Variants in ABCA6 observed in about 807,000 individuals in gnomAD.
The protein encoded by ABCA6 is ATP binding cassette subfamily A member 6.
Under a neutral mutation model 191.2 loss-of-function variants are expected in ABCA6, and 164 were observed. That is an observed-to-expected ratio of 0.86 (90% CI 0.76 to 0.98). ABCA6 has a LOEUF of 0.98. Ranked by LOEUF, ABCA6 falls within the 50% of genes least tolerant of loss-of-function variation. The probability of loss-of-function intolerance (pLI) is 0.00; values close to 1 mark genes in which losing one functional copy is unlikely to be tolerated. For missense variants in ABCA6, 1,958 were observed against 1,894.1 expected (o/e 1.03, Z -0.63); for synonymous variants, 636 against 647.7 (o/e 0.98, Z 0.27).
intron 36 of ABCA6, among the ~76,000 whole-genome samples, chr17:69,082,222 GC>G (rs1567992956): frequency 6.6e-6 from 1 of 151,978 alleles, no homozygotes; most frequent in African/African-American, 2.4e-5. Context: ...TAAAATAGTA[GC>G]TTTTATGTCC....
At position 69,137,296 on chromosome 17, in the gene ABCA6, C is replaced by G. The variant is rs1313549238; in HGVS notation, c.301G>C (p.Gly101Arg). Residue 101 changes from glycine to arginine, a missense_variant and splice_region_variant, in exon 3 of 39, where the codon GGA becomes CGA. Gly to Arg is a moderately radical substitution (Grantham distance 125). Coordinates refer to ENST00000284425, the MANE Select transcript of ABCA6 (RefSeq NM_080284.3). ...CTTTTTTTGCCATGAGTACACCTACCTTTCAAAAGAGGAGCAAGTGCTGTT... is the reference window on the plus strand; with the variant it reads ...CTTTTTTTGCCATGAGTACACCTACGTTTCAAAAGAGGAGCAAGTGCTGTT... Reference protein sequence around the residue: ...NKTALAPLLKGTSVIGAPNKT... With the variant: ...NKTALAPLLKRTSVIGAPNKT... The G allele has an allele frequency of 6.2e-7, 1 of 1,611,362 alleles. No individual in the cohort carries two copies. Among genetic ancestry groups the G allele is most frequent in the African/African-American group, 1.3e-5 (1 of 74,786 alleles).
At chr17:69,084,670 CTTT>C (rs71144653) in intron 32 of ABCA6, among the ~76,000 whole-genome samples, 163 bp from the exon 33 acceptor site, 8 of 145,432 alleles carry the variant, frequency 5.5e-5, no homozygotes, top group Admixed American at 6.8e-5. Flanking sequence ...ACATGAAAGA[CTTT>C]TTTTTTTTTT....
chr17:69,107,708 T>C lies in ABCA6; in HGVS notation c.2377A>G (p.Thr793Ala). Reference protein sequence around the residue: ...EVFMKLEGQSTIEQDFEQVEM... With the variant: ...EVFMKLEGQSAIEQDFEQVEM... Reference sequence around the variant, plus strand: ...CAAATGGCTTTACCTTGTTCGATAGTTGACTGTCCTTCCAGTTTCATAAAG... The same window carrying C: ...CAAATGGCTTTACCTTGTTCGATAGCTGACTGTCCTTCCAGTTTCATAAAG... The change falls in exon 18 of 39, where the codon ACT becomes GCT. Residue 793 changes from threonine (T) to alanine (A), a missense_variant. Transcript: ENST00000284425. 2 of 1,604,208 alleles carry C rather than the reference T, an allele frequency of 1.2e-6. No homozygotes were observed.
chr17:69,101,595 CA>C (rs528243690), intron 21 of ABCA6, among the ~76,000 whole-genome samples: 4,853 of 75,604 alleles, frequency 0.064, 88 homozygotes, highest in Middle Eastern at 0.093. Context: ...GACTCTGTCT[CA>C]AAAAAAAAAA....
chr17:69,085,192 T>A lies in ABCA6; in HGVS notation c.4030-10A>T, dbSNP rs2072750971. 6.3e-7 allele frequency: 1 copy of A among 1,599,398 alleles called. No homozygotes were observed. Among genetic ancestry groups the A allele is most frequent in the African/African-American group, 1.3e-5 (1 of 74,364 alleles). On this transcript the variant is annotated splice_polypyrimidine_tract_variant and intron_variant, in intron 31 of 38. Transcript: ENST00000284425. Reference sequence around the variant, plus strand: ...AGCCTTTCAGTTCCACCTAAAAAAATAAAAGAGCTTTAGAAAGGCATGCAG... The same window carrying A: ...AGCCTTTCAGTTCCACCTAAAAAAAAAAAAGAGCTTTAGAAAGGCATGCAG...
In ABCA6 at chr17:69,133,806, G is replaced by C. The variant is rs1381433506; in HGVS notation, c.626C>G (p.Thr209Arg). Residue 209 changes from threonine (T) to arginine (R), a missense_variant, in exon 6 of 39, where the codon ACA becomes AGA. Transcript: ENST00000284425. ...LMSVTAITMK[T>R]LPFITKNLLH... is the part of the protein sequence containing the mutation. ...AAGATTTTTAGTTATGAAAGGTAAT[G>C]TCTTCATAGTTATAGCAGTAACTGA... 2.5e-6 allele frequency: 4 copies of C among 1,612,782 alleles called. No homozygotes were observed. The highest frequency in any genetic ancestry group is 3.4e-6 in the Non-Finnish European group (4 of 1,179,286).
At chr17:69,128,829 C>A in intron 7 of ABCA6, 25 bp from the exon 8 acceptor site, 1 of 1,529,654 alleles carries the variant, frequency 6.5e-7, no homozygotes, top group Non-Finnish European at 8.8e-7. Context: ...AGACATTCAG[C>A]TGTTATAAAA....
At position 69,096,817 on chromosome 17, in the gene ABCA6, A is replaced by C; in HGVS notation, c.3121-16T>G. 6.6e-7 allele frequency: 1 copy of C among 1,514,784 alleles called. No homozygotes were observed. The highest frequency in any genetic ancestry group is 8.8e-7 in the Non-Finnish European group (1 of 1,139,178). 93.8% of individuals were successfully genotyped at this position (1,514,784 alleles called of 1,614,324 possible). ...TAGCATTTTTCTGATTAAAAAAAAAAAGAAAGAAAGAAATGTATATAGATT... is the reference window on the plus strand; with the variant it reads ...TAGCATTTTTCTGATTAAAAAAAAACAGAAAGAAAGAAATGTATATAGATT... On this transcript the variant is annotated splice_polypyrimidine_tract_variant and intron_variant, in intron 23 of 38. Coordinates refer to ENST00000284425, the MANE Select transcript of ABCA6 (RefSeq NM_080284.3).
intron 36 of ABCA6, 65 bp from the exon 37 acceptor site, chr17:69,081,210 A>C (rs1056125049): frequency 1.3e-6 from 1 of 777,490 alleles, no homozygotes; most frequent in African/African-American, 1.8e-5. Flanking sequence ...CATCAGAATA[A>C]ATATTGATAT....
At chr17:69,133,014 G>A (rs2073892153) in intron 6 of ABCA6, among the ~76,000 whole-genome samples, 1 of 152,198 alleles carries the variant, frequency 6.6e-6, no homozygotes, top group South Asian at 2.1e-4. Context: ...TAAATTGAAT[G>A]TGGAGTGGGG....
chr17:69,111,311 C>T (rs1420631832), intron 16 of ABCA6: 1 of 156,448 alleles, frequency 6.4e-6, no homozygotes, highest in African/African-American at 2.4e-5. Context: ...AAATCTGGCC[C>T]ACATGCATGC....
intron 19 of ABCA6, 173 bp downstream of exon 19, chr17:69,105,855 G>C (rs1460532077): frequency 1.3e-5 from 10 of 781,808 alleles, no homozygotes; most frequent in Non-Finnish European, 2.0e-5. Context: ...GCACGTATAA[G>C]CTTAATCGAG....
At chr17:69,084,393 C>T (rs760068384) in intron 33 of ABCA6, 38 bp from the exon 34 acceptor site, 1 of 1,614,020 alleles carries the variant, frequency 6.2e-7, no homozygotes, top group Non-Finnish European at 8.5e-7. Flanking sequence ...GCTGCCATAC[C>T]ACACCAGCTC....
At chr17:69,113,594 T>C in intron 14 of ABCA6, 24 bp downstream of exon 14, 1 of 1,612,654 alleles carries the variant, frequency 6.2e-7, no homozygotes, top group Non-Finnish European at 8.5e-7. Flanking sequence ...ACCTGCTTCC[T>C]TCCCCATGCA....
In ABCA6 at chr17:69,102,911, A is replaced by T; in HGVS notation, c.2798T>A (p.Val933Glu). 6.3e-7 allele frequency: 1 copy of T among 1,590,576 alleles called. No individual in the cohort carries two copies. The highest frequency in any genetic ancestry group is 8.6e-7 in the Non-Finnish European group (1 of 1,165,352). The part of the protein sequence containing the change: ...SLKHQNILLE[V>E]DDFENRNGTD... Reference sequence around the variant, plus strand: ...ACCATTTCTGTTTTCAAAGTCATCTACTTCCAAAAGTATATTTTGATGCTT... The same window carrying T: ...ACCATTTCTGTTTTCAAAGTCATCTTCTTCCAAAAGTATATTTTGATGCTT... The change falls in exon 21 of 39, where the codon GTA becomes GAA. Residue 933 changes from valine to glutamate, a missense_variant. Coordinates refer to ENST00000284425, the MANE Select transcript of ABCA6 (RefSeq NM_080284.3).
chr17:69,113,762 T>A (rs1289454413), intron 13 of ABCA6, 25 bp from the exon 14 acceptor site: 1 of 1,596,030 alleles, frequency 6.3e-7, no homozygotes. Context: ...ACGCAACTTT[T>A]AAAATCCAAA....
intron 31 of ABCA6, 106 bp downstream of exon 31, chr17:69,085,519 C>CAAAAAAAAAAAAAAAAAGAAA (rs35438104): frequency 2.3e-6 from 1 of 438,130 alleles, no homozygotes; most frequent in Non-Finnish European, 3.5e-6. Flanking sequence ...TATCCAAAGG[C>CAAAAAAAAAAAAAAAAAGAAA]AAAAAAAAAA....
chr17:69,126,204 G>A (rs2073750826), intron 8 of ABCA6, among the ~76,000 whole-genome samples: 2 of 152,042 alleles, frequency 1.3e-5, no homozygotes, highest in South Asian at 2.1e-4. Flanking sequence ...TGGATAGAAC[G>A]CCAATGTACA....
chr17:69,107,828 A>T lies in ABCA6; in HGVS notation c.2273-16T>A. The T allele has an allele frequency of 6.8e-7, 1 of 1,461,512 alleles. No individual in the cohort carries two copies. The highest frequency in any genetic ancestry group is 1.2e-5 in the South Asian group (1 of 85,322). The allele number at this position is 1,461,512 out of a possible 1,614,324, so 90.5% of individuals were successfully genotyped here. A position where few individuals can be genotyped will look rare whatever the true frequency, so the allele number is the denominator to read the frequency against. Reference sequence around the variant, plus strand: ...CTGAAAAGATCTAAGGCAAAAAAATATGAATAGATACTTTGGAAAACCACA... The same window carrying T: ...CTGAAAAGATCTAAGGCAAAAAAATTTGAATAGATACTTTGGAAAACCACA... On this transcript the variant is annotated splice_polypyrimidine_tract_variant and intron_variant, in intron 17 of 38. Transcript: ENST00000284425.
Sources: gnomAD v4.1 joint callset for allele counts (sites outside exome capture counted in the v4.1 genomes callset) on GRCh38, gnomAD v4.1.1 for gene constraint, MANE v1.5 for transcripts, NCBI Gene and HGNC (gene_info 2026-07-23, HGNC 2026-07-21) for gene names.